The following GPR179 variants were observed in gnomAD, a reference collection of about 807,000 sequenced individuals.
GPR179 encodes G protein-coupled receptor 179.
GPR179 carries 52 observed loss-of-function variants against 70.8 expected under a neutral mutation model. That is an observed-to-expected ratio of 0.73 (90% CI 0.59 to 0.93). The LOEUF is 0.93. Among genes scored for constraint, GPR179 ranks in the 40% least tolerant of loss-of-function variants. GPR179 has a pLI of 0.00. For synonymous variants in GPR179, 1,123 were observed against 1,169.0 expected, an observed-to-expected ratio of 0.96 and a Z score of 0.80; for missense variants, 2,734 against 2,966.8, an observed-to-expected ratio of 0.92 and a Z score of 1.82.
rs1231196339 is a variant in GPR179, at chr17:38,327,572, T to G, written c.5997A>C (p.Pro1999=). The G allele has an allele frequency of 3.1e-6, 5 of 1,614,042 alleles. No individual in the cohort carries two copies. Among genetic ancestry groups the G allele is most frequent in the Non-Finnish European group, 8.5e-7 (1 of 1,180,050 alleles). ...STGGRAADVC[P]WDVPDAGVYK... is the part of the protein sequence containing the mutation. The stretch of plus-strand genomic sequence containing the variant: ...ACACACCTGCATCAGGAACATCCCA[T>G]GGGCACACGTCAGCGGCCCTGCCCC... Residue 1999 remains proline, a synonymous_variant, in exon 11 of 11, where the codon CCA becomes CCC. Transcript: ENST00000616987.
At chr17:38,336,518 G>A (rs1171338839) in intron 4 of GPR179, among the ~76,000 whole-genome samples, 1 of 152,344 alleles carries the variant, frequency 6.6e-6, no homozygotes, top group South Asian at 2.1e-4. Context: ...TCTTGGCCCA[G>A]TAAGTATCCA....
At position 38,325,942 on chromosome 17, in the gene GPR179, C is replaced by T. The variant is rs143241101; in HGVS notation, c.*523G>A. On this transcript the variant is annotated 3_prime_UTR_variant, in exon 11 of 11. Coordinates refer to ENST00000616987, the MANE Select transcript of GPR179 (RefSeq NM_001004334.4). The stretch of plus-strand genomic sequence containing the variant: ...TTAGCTTTTCCCCCAATTTATCTTC[C>T]GCTTCAATTAAATGGCTCTTCAGCT... 1,834 of 153,574 alleles carry T rather than the reference C, an allele frequency of 0.012. 41 individuals are homozygous for T. The highest frequency in any genetic ancestry group is 0.04 in the African/African-American group (1,652 of 41,582). 9.5% of individuals were successfully genotyped at this position (153,574 alleles called of 1,614,324 possible).
rs2144261464 is a variant in GPR179, at chr17:38,330,155, C to T, written c.3414G>A (p.Val1138=). 6.3e-7 allele frequency: 1 copy of T among 1,587,706 alleles called. No individual in the cohort carries two copies. Among genetic ancestry groups the T allele is most frequent in the South Asian group, 1.2e-5 (1 of 86,604 alleles). ...AGGGGATAAGAGCGGCCTGCTTACTCACCGCCTTGGGCCGGCCTAGCCTGG... is the reference window on the plus strand; with the variant it reads ...AGGGGATAAGAGCGGCCTGCTTACTTACCGCCTTGGGCCGGCCTAGCCTGG... The part of the protein sequence containing the change: ...RSPRLGRPKA[V]SKQAALIPSD... The change falls in exon 11 of 11, where the codon GTG becomes GTA. Residue 1138 remains valine, a synonymous_variant. Coordinates refer to ENST00000616987, the MANE Select transcript of GPR179 (RefSeq NM_001004334.4).
intron 2 of GPR179, among the ~76,000 whole-genome samples, 199 bp from the exon 3 acceptor site, chr17:38,337,919 T>G (rs2037420159): frequency 6.6e-6 from 1 of 152,212 alleles, no homozygotes; most frequent in African/African-American, 2.4e-5. Context: ...TGCTGTTGCC[T>G]CTCTTCCCAA....
chr17:38,328,949 G>A lies in GPR179; in HGVS notation c.4620C>T (p.Ser1540=). The A allele has an allele frequency of 6.2e-7, 1 of 1,613,980 alleles. No individual in the cohort carries two copies. Among genetic ancestry groups the A allele is most frequent in the Non-Finnish European group, 8.5e-7 (1 of 1,179,906 alleles). Residue 1540 remains serine (S), a synonymous_variant, in exon 11 of 11, where the codon AGC becomes AGT. Transcript: ENST00000616987. Reference sequence around the variant, plus strand: ...ATGGGCTGGAGTGCCCAGGGACCGTGCTCTCCCTGGGACAAACTGACTCCT... The same window carrying A: ...ATGGGCTGGAGTGCCCAGGGACCGTACTCTCCCTGGGACAAACTGACTCCT... ...QQQESVCPRE[S]TVPGHSSPCL... is the part of the protein sequence containing the mutation.
rs1393386774 is a variant in GPR179, at chr17:38,327,175, G to T, written c.6394C>A (p.Pro2132Thr). The change falls in exon 11 of 11, where the codon CCT (proline) becomes ACT (threonine). Residue 2132 changes from proline (P) to threonine (T), a missense_variant. By Grantham distance (38) the Pro-to-Thr change is conservative. Transcript: ENST00000616987. ...APSAKKAEIC[P>T]WEAGGGAAEE... ...GCTGCTCCTCCACCCGCCTCCCAAG[G>T]GCAGATCTCTGCTTTCTTGGCAGAG... 6.2e-7 allele frequency: 1 copy of T among 1,614,162 alleles called. No individual in the cohort carries two copies. The highest frequency in any genetic ancestry group is 8.5e-7 in the Non-Finnish European group (1 of 1,180,030).
At chr17:38,337,587 T>C in intron 3 of GPR179, 46 bp downstream of exon 3, 1 of 1,510,488 alleles carries the variant, frequency 6.6e-7, no homozygotes. Context: ...CTCCCAACCA[T>C]CCTCTCATGT....
intron 9 of GPR179, 22 bp downstream of exon 9, chr17:38,333,911 A>AG (rs1567725123): frequency 1.3e-6 from 2 of 1,571,250 alleles, no homozygotes; most frequent in Middle Eastern, 1.7e-4. Flanking sequence ...TCCACCTCAC[A>AG]GGCAGGAGGG....
rs147869288 is a variant in GPR179, at chr17:38,333,028, C to T, written c.2037+223G>A. Reference sequence around the variant, plus strand: ...TAGCTTGCCACATGGCCTGAGCCTCCGGGATCTGGTTCTGGGGCTTTGGGG... The same window carrying T: ...TAGCTTGCCACATGGCCTGAGCCTCTGGGATCTGGTTCTGGGGCTTTGGGG... On this transcript the variant is annotated intron_variant, in intron 10 of 10. Transcript: ENST00000616987. Among the ~76,000 whole-genome samples the T allele has an allele frequency of 8.5e-4, 129 of 152,368 alleles. 1 individual carries two copies. Among genetic ancestry groups the T allele is most frequent in the African/African-American group, 3.0e-3 (123 of 41,584 alleles).
chr17:38,330,728 G>GC lies in GPR179; in HGVS notation c.2840dup (p.Leu948ProfsTer99). 6.3e-7 allele frequency: 1 copy of GC among 1,587,616 alleles called. No homozygotes were observed. The highest frequency in any genetic ancestry group is 8.6e-7 in the Non-Finnish European group (1 of 1,164,610). ...GAGATAGCATCCTTGGCTCTCCCAG[G>GC]CCCCCAGACAGGGCCAAGATGGGGG... On this transcript the variant is annotated frameshift_variant, in exon 11 of 11. Coordinates refer to ENST00000616987, the MANE Select transcript of GPR179 (RefSeq NM_001004334.4). LOFTEE classifies it low-confidence loss of function (END_TRUNC).
At position 38,327,710 on chromosome 17, in the gene GPR179, C is replaced by T. The variant is rs370586289; in HGVS notation, c.5859G>A (p.Glu1953=). The part of the protein sequence containing the change: ...TTEDGEKTSH[E]LQSVCPWETT... Reference sequence around the variant, plus strand: ...TCTCCCATGGACAGACGGATTGTAGCTCATGGCTTGTTTTTTCCCCATCTT... The same window carrying T: ...TCTCCCATGGACAGACGGATTGTAGTTCATGGCTTGTTTTTTCCCCATCTT... Residue 1953 remains glutamate, a synonymous_variant, in exon 11 of 11, where the codon GAG becomes GAA. Transcript: ENST00000616987. The T allele has an allele frequency of 7.4e-5, 120 of 1,614,212 alleles. No homozygotes were observed. The highest frequency in any genetic ancestry group is 5.7e-4 in the African/African-American group (43 of 75,058).
rs2037359492 is a variant in GPR179, at chr17:38,331,421, GC to G, written c.2147del (p.Gly716AlafsTer5). ...KKRGSSCQGL[G>X]RSFMRYLAEF... Reference sequence around the variant, plus strand: ...CCGCCAGGTACCTCATGAAGGAGCGGCCCAGTCCCTGGCATGAGCTGCCTCG... The same window carrying G: ...CCGCCAGGTACCTCATGAAGGAGCGGCCAGTCCCTGGCATGAGCTGCCTCG... On this transcript the variant is annotated frameshift_variant, in exon 11 of 11. Transcript: ENST00000616987. LOFTEE classifies it low-confidence loss of function (END_TRUNC). 1 of 1,614,174 alleles carries G rather than the reference GC, an allele frequency of 6.2e-7. No homozygotes were observed. The highest frequency in any genetic ancestry group is 2.2e-5 in the East Asian group (1 of 44,880).
At position 38,328,135 on chromosome 17, in the gene GPR179, T is replaced by G. The variant is rs758716962; in HGVS notation, c.5434A>C (p.Ser1812Arg). 1 of 1,610,094 alleles carries G rather than the reference T, an allele frequency of 6.2e-7. No homozygotes were observed. Residue 1812 changes from serine to arginine, a missense_variant, in exon 11 of 11, where the codon AGT (serine) becomes CGT (arginine). Ser to Arg is a moderately radical substitution (Grantham distance 110). Coordinates refer to ENST00000616987, the MANE Select transcript of GPR179 (RefSeq NM_001004334.4). ...CAGGGACAGATCTTGGCTTTTTCAC[T>G]GGTAGCAGCTTCCTGTGCTTCCCAG... ...CPWEAQEAAT[S>R]EKAKICPWEV...
Position 38,342,980 on chromosome 17 carries a change from G to A in GPR179, c.794+16C>T. On this transcript the variant is annotated intron_variant, in intron 1 of 10. Coordinates refer to ENST00000616987, the MANE Select transcript of GPR179 (RefSeq NM_001004334.4). ...CATCCCCACACATGCATCAAATCCT[G>A]CACAAACCCACTTACCTGACTTCTG... 6.3e-7 allele frequency: 1 copy of A among 1,579,750 alleles called. No homozygotes were observed. The highest frequency in any genetic ancestry group is 1.2e-5 in the South Asian group (1 of 84,970).
chr17:38,338,331 C>T (rs1397101183), intron 2 of GPR179, among the ~76,000 whole-genome samples: 2 of 152,184 alleles, frequency 1.3e-5, no homozygotes, highest in Non-Finnish European at 2.9e-5. Context: ...GACCTCAGAG[C>T]CAGGCAGGGA....
Position 38,343,388 on chromosome 17 carries a change from G to T in GPR179, c.402C>A (p.Val134=). 3 of 1,614,156 alleles carry T rather than the reference G, an allele frequency of 1.9e-6. 1 individual carries two copies. In the South Asian group the frequency reaches 3.3e-5, roughly 18 times the overall value. ...EEDVEWYQAL[V]RSVAEGDPRV... ...TTGGGTCCCCCTCGGCCACGCTGCG[G>T]ACCAGTGCCTGGTACCATTCCACAT... The change falls in exon 1 of 11, where the codon GTC becomes GTA. Residue 134 remains valine (V), a synonymous_variant. Coordinates refer to ENST00000616987, the MANE Select transcript of GPR179 (RefSeq NM_001004334.4). The surrounding 1 kb of genome is among the most constrained non-coding windows in gnomAD (Gnocchi z 4.2).
chr17:38,325,572 G>A lies in GPR179; in HGVS notation c.*893C>T, dbSNP rs920797848. ...GTTGATGGCAGCGCTGAAAAGCTAG[G>A]GGGAAGGAAATGAGCCAGTGAGACG... is the stretch of plus-strand genomic sequence containing the variant. On this transcript the variant is annotated 3_prime_UTR_variant, in exon 11 of 11. Coordinates refer to ENST00000616987, the MANE Select transcript of GPR179 (RefSeq NM_001004334.4). 6.6e-6 allele frequency: 1 copy of A among 152,298 alleles called. No individual in the cohort carries two copies. The highest frequency in any genetic ancestry group is 2.4e-5 in the African/African-American group (1 of 41,420). The allele number at this position is 152,298 out of a possible 1,614,324, so 9.4% of individuals were successfully genotyped here. A position where few individuals can be genotyped will look rare whatever the true frequency, so the allele number is the denominator to read the frequency against.
chr17:38,343,737 C>A lies in GPR179; in HGVS notation c.53G>T (p.Cys18Phe). The A allele has an allele frequency of 6.5e-7, 1 of 1,548,128 alleles. No individual in the cohort carries two copies. The highest frequency in any genetic ancestry group is 8.7e-7 in the Non-Finnish European group (1 of 1,146,906). ...MPPPMWGLLG[C>F]CFVCAWALGG... ...CAGAGCCCAGGCACAGACAAAACAG[C>A]AGCCCAGCAGCCCCCACATAGGAGG... Residue 18 changes from cysteine to phenylalanine, a missense_variant, in exon 1 of 11, where the codon TGC (cysteine) becomes TTC (phenylalanine). Cys to Phe is a radical substitution (Grantham distance 205). Transcript: ENST00000616987. This position sits in a 1 kb window ranked among gnomAD's most constrained non-coding sequence, Gnocchi z 4.2.
chr17:38,331,567 T>A (rs1597665100), intron 10 of GPR179, 36 bp from the exon 11 acceptor site: 2 of 1,566,642 alleles, frequency 1.3e-6, no homozygotes, highest in South Asian at 2.4e-5. Context: ...GGGCTGCAGG[T>A]GAGCTCTCTC....
Sources: allele counts gnomAD v4.1 joint callset (sites outside exome capture counted in the v4.1 genomes callset), GRCh38; gene constraint gnomAD v4.1.1; non-coding constraint Gnocchi (gnomAD v3.1); transcripts MANE v1.5; gene names NCBI Gene and HGNC (gene_info 2026-07-23, HGNC 2026-07-21).